Variants in UNC45A observed in about 807,000 individuals in gnomAD.
The protein encoded by UNC45A is protein unc-45 homolog A.
A neutral mutation model predicts 103.2 loss-of-function variants in UNC45A; 78 were observed. The observed-to-expected ratio is 0.76, with a 90% confidence interval of 0.63 to 0.91. The LOEUF is 0.91. UNC45A is among the 40% of genes least tolerant of loss of function. The pLI is 0.00. For synonymous variants in UNC45A, 495 were observed against 504.6 expected, an observed-to-expected ratio of 0.98 and a Z score of 0.25; for missense variants, 1,193 against 1,224.8, an observed-to-expected ratio of 0.97 and a Z score of 0.39.
chr15:90,945,581 G>A (rs1322227896), intron 9 of UNC45A, among the ~76,000 whole-genome samples: 2 of 150,532 alleles, frequency 1.3e-5, no homozygotes, highest in African/African-American at 2.5e-5. Flanking sequence ...GGCTGGTCTC[G>A]AACTCCCGAC....
rs200451904 is a variant in UNC45A at position 90,953,677 on chromosome 15, G to A, written c.2796G>A (p.Val932=). The A allele has an allele frequency of 3.5e-5, 56 of 1,614,086 alleles. No individual in the cohort carries two copies. The African/African-American group carries it at 7.1e-4, about 20-fold the overall frequency. ...RAAAACLDKA[V]EYGLIQPNQD... is the part of the protein sequence containing the mutation. The stretch of plus-strand genomic sequence containing the variant: ...CTGCAGCCTGCCTGGACAAAGCAGT[G>A]GAATATGGGCTTATCCAACCCAACC... Residue 932 remains valine (V), a synonymous_variant, in exon 20 of 20, where the codon GTG becomes GTA. Coordinates refer to ENST00000418476, the MANE Select transcript of UNC45A (RefSeq NM_018671.5).
At chr15:90,938,099 A>G (rs1468445005) in intron 4 of UNC45A, among the ~76,000 whole-genome samples, 2 of 152,210 alleles carry the variant, frequency 1.3e-5, no homozygotes, top group Non-Finnish European at 2.9e-5. Context: ...ACTGGGCCAA[A>G]TATGCATTTT....
At chr15:90,931,216 G>A (rs1305078539), upstream of UNC45A, 1 of 1,536,848 alleles carries the variant, frequency 6.5e-7, no homozygotes, top group African/African-American at 1.4e-5. Context: ...GATGGCGTAT[G>A]AATCCTGTCC....
chr15:90,935,395 G>A lies in UNC45A; in HGVS notation c.51+20G>A, dbSNP rs576492066. 28 of 1,584,642 alleles carry A rather than the reference G, an allele frequency of 1.8e-5. No homozygotes were observed. Among genetic ancestry groups the A allele is most frequent in the Non-Finnish European group, 2.1e-5 (25 of 1,165,192 alleles). On this transcript the variant is annotated intron_variant, in intron 1 of 19. Transcript: ENST00000418476. Reference sequence around the variant, plus strand: ...CCCGGGGTGCGTACCCAACCCCCGCGCCATCACCCCTTCGCACCCGCCCTG... The same window carrying A: ...CCCGGGGTGCGTACCCAACCCCCGCACCATCACCCCTTCGCACCCGCCCTG...
Position 90,935,545 on chromosome 15 carries a change from C to A in UNC45A, c.53C>A (p.Ala18Asp). 6.2e-7 allele frequency: 1 copy of A among 1,601,930 alleles called. No individual in the cohort carries two copies. The highest frequency in any genetic ancestry group is 1.1e-5 in the South Asian group (1 of 89,020). Residue 18 changes from alanine to aspartate, a missense_variant and splice_region_variant, in exon 2 of 20, where the codon GCC (alanine) becomes GAC (aspartate). Ala to Asp is a moderately radical substitution (Grantham distance 126, BLOSUM62 -2). Transcript: ENST00000418476. The stretch of plus-strand genomic sequence containing the variant: ...TTTCCGCCCCCTTTCTCTCTACAGG[C>A]CAGCTCAGTGGAGCAGCTGCGGAAG... ...TPEPRPATPG[A>D]SSVEQLRKEG...
In UNC45A at chr15:90,942,650, G is replaced by A. The variant is rs1357244672; in HGVS notation, c.856+45G>A. On this transcript the variant is annotated intron_variant, in intron 7 of 19. Coordinates refer to ENST00000418476, the MANE Select transcript of UNC45A (RefSeq NM_018671.5). ...GGGTCTTTTGGACGTTACTGTCATG[G>A]AAGGGATGGGGCTGAGCCAGCCAGG... 6 of 1,613,254 alleles carry A rather than the reference G, an allele frequency of 3.7e-6. No homozygotes were observed. In the African/African-American group the frequency reaches 8.0e-5, roughly 22 times the overall value.
At chr15:90,945,380 A>G (rs1378145166) in intron 9 of UNC45A, among the ~76,000 whole-genome samples, 1 of 149,722 alleles carries the variant, frequency 6.7e-6, no homozygotes, top group South Asian at 2.1e-4. Flanking sequence ...TTTTTTCTTG[A>G]GACAGAGTTT....
rs138332774 is a variant in UNC45A, at chr15:90,950,200, A to G, written c.2120A>G (p.Lys707Arg). ...ALEGTDVGQT[K>R]AAQALAKLTI... ...GAAGGCACGGACGTGGGGCAGACAA[A>G]GGCAGCCCAGGCCCTTGCCAAGCTC... The change falls in exon 16 of 20, where the codon AAG becomes AGG. Residue 707 changes from lysine (K) to arginine (R), a missense_variant. Coordinates refer to ENST00000418476, the MANE Select transcript of UNC45A (RefSeq NM_018671.5). 368 of 1,551,736 alleles carry G rather than the reference A, an allele frequency of 2.4e-4. 2 individuals are homozygous for G. The African/African-American group carries it at 4.3e-3, about 18-fold the overall frequency.
chr15:90,935,366 C>T lies in UNC45A; in HGVS notation c.42C>T (p.Ala14=). 5 of 1,601,224 alleles carry T rather than the reference C, an allele frequency of 3.1e-6. No individual in the cohort carries two copies. Among genetic ancestry groups the T allele is most frequent in the Non-Finnish European group, 4.3e-6 (5 of 1,174,692 alleles). ...SGPGTPEPRP[A]TPGASSVEQL... is the part of the protein sequence containing the mutation. ...CAGGGACCCCCGAGCCCCGGCCGGCCACCCCCGGGGTGCGTACCCAACCCC... is the reference window on the plus strand; with the variant it reads ...CAGGGACCCCCGAGCCCCGGCCGGCTACCCCCGGGGTGCGTACCCAACCCC... Residue 14 remains alanine, a synonymous_variant, in exon 1 of 20, where the codon GCC becomes GCT. Coordinates refer to ENST00000418476, the MANE Select transcript of UNC45A (RefSeq NM_018671.5).
chr15:90,935,189 C>T, upstream of UNC45A: 1 of 872,506 alleles, frequency 1.1e-6, no homozygotes, highest in Non-Finnish European at 1.8e-6. Context: ...GGGCGCGCTC[C>T]CTCCTTAGCC....
intron 4 of UNC45A, among the ~76,000 whole-genome samples, chr15:90,937,496 T>G (rs1397757170): frequency 6.6e-6 from 1 of 151,846 alleles, no homozygotes; most frequent in Non-Finnish European, 1.5e-5. Context: ...AATTGTTTTT[T>G]TTTTTTTTGA....
At chr15:90,950,999 A>C (rs1242311463) in intron 17 of UNC45A, among the ~76,000 whole-genome samples, 1 of 147,134 alleles carries the variant, frequency 6.8e-6, no homozygotes, top group African/African-American at 2.4e-5. Context: ...GTGCCATATC[A>C]GTATATTTTA....
chr15:90,945,201 A>T, intron 9 of UNC45A, 138 bp downstream of exon 9: 1 of 1,252,222 alleles, frequency 8.0e-7, no homozygotes, highest in Non-Finnish European at 1.1e-6. Context: ...GAACAAAGGG[A>T]AAGTGGCCCC....
At chr15:90,931,451 G>C (rs570312956), upstream of UNC45A, 3 of 1,613,210 alleles carry the variant, frequency 1.9e-6, no homozygotes, top group Non-Finnish European at 2.5e-6. Context: ...GTCAAGGAAA[G>C]CACTGCCTTT....
chr15:90,949,790 C>G, intron 15 of UNC45A, 70 bp downstream of exon 15: 2 of 1,458,316 alleles, frequency 1.4e-6, no homozygotes, highest in South Asian at 1.1e-5. Context: ...CAGCAGCTGC[C>G]ACGCCAGAGC....
At chr15:90,942,400 A>G (rs371322839) in intron 6 of UNC45A, 37 bp from the exon 7 acceptor site, 3 of 1,567,894 alleles carry the variant, frequency 1.9e-6, no homozygotes, top group Admixed American at 1.8e-5. Flanking sequence ...CCCTTCAACA[A>G]CTGGAAGCTT....
chr15:90,943,986 G>GTTTTTTTTTT (rs953436599), intron 8 of UNC45A, among the ~76,000 whole-genome samples: 124 of 78,326 alleles, frequency 1.6e-3, no homozygotes, highest in East Asian at 2.6e-3. Flanking sequence ...ATTGTGCCCT[G>GTTTTTTTTTT]TTTTTTTTTT....
intron 19 of UNC45A, 65 bp downstream of exon 19, chr15:90,953,375 G>C (rs1386621530): frequency 6.3e-6 from 10 of 1,593,018 alleles, no homozygotes; most frequent in Admixed American, 3.4e-5. Flanking sequence ...AGCTGAAGGG[G>C]GCAGTCCTAG....
chr15:90,931,879 A>G, upstream of UNC45A: 2 of 1,614,054 alleles, frequency 1.2e-6, no homozygotes, highest in Non-Finnish European at 1.7e-6. Context: ...CTTGTGCCCC[A>G]AAGTGTAGCT....
Sources: gnomAD v4.1 joint callset for allele counts (sites outside exome capture counted in the v4.1 genomes callset) on GRCh38, gnomAD v4.1.1 for gene constraint, MANE v1.5 for transcripts, NCBI Gene and HGNC (gene_info 2026-07-23, HGNC 2026-07-21) for gene names.